The following NR6A1 variants were observed in gnomAD, a reference collection of about 807,000 sequenced individuals.
The protein encoded by NR6A1 is nuclear receptor subfamily 6 group A member 1.
NR6A1 carries 7 observed loss-of-function variants against 59.1 expected under a neutral mutation model. The ratio of observed to expected loss-of-function variants is 0.12; its 90% CI spans 0.07 to 0.22. The LOEUF is 0.22. Among genes scored for constraint, NR6A1 ranks in the 10% least tolerant of loss-of-function variants. The probability of loss-of-function intolerance (pLI) is 1.00; values close to 1 mark genes in which losing one functional copy is unlikely to be tolerated. For missense variants in NR6A1, 468 were observed against 611.6 expected, an observed-to-expected ratio of 0.77 and a Z score of 2.48; for synonymous variants, 243 against 236.1, an observed-to-expected ratio of 1.03 and a Z score of -0.27.
chr9:124,550,168 T>C (rs151015412), intron 3 of NR6A1, among the ~76,000 whole-genome samples: 1 of 152,272 alleles, frequency 6.6e-6, no homozygotes, highest in African/African-American at 2.4e-5. Flanking sequence ...TGTTGGTGTG[T>C]TTTATTGGTA....
At chr9:124,568,205 G>A (rs1372455830) in intron 2 of NR6A1, among the ~76,000 whole-genome samples, 1 of 144,832 alleles carries the variant, frequency 6.9e-6, no homozygotes. Context: ...AGAAACAGAG[G>A]CTGGGCGTGG....
intron 2 of NR6A1, among the ~76,000 whole-genome samples, chr9:124,651,334 C>G (rs1837098348): frequency 6.6e-6 from 1 of 152,210 alleles, no homozygotes; most frequent in African/African-American, 2.4e-5. Flanking sequence ...GCTGGAATTA[C>G]AGGCATGAGC....
At chr9:124,529,005 C>G (rs1217699721) in intron 7 of NR6A1, among the ~76,000 whole-genome samples, 1 of 152,190 alleles carries the variant, frequency 6.6e-6, no homozygotes, top group African/African-American at 2.4e-5. Flanking sequence ...CTGGAGATGA[C>G]TGCACATGCA....
Position 124,701,593 on chromosome 9 carries a change from A to G in NR6A1, c.142+31715T>C, listed in dbSNP as rs572259737. ...AGCAACTTGTTTACTTTTTGCCTCA[A>G]TGAATTTTGCCTATTCTAGGAATCT... is the stretch of plus-strand genomic sequence containing the variant. On this transcript the variant is annotated intron_variant, in intron 2 of 9. Transcript: ENST00000487099. Among the ~76,000 whole-genome samples the G allele has an allele frequency of 3.9e-5, 6 of 152,304 alleles. No individual in the cohort carries two copies. The East Asian group carries it at 1.2e-3, about 29-fold the overall frequency.
intron 1 of NR6A1, among the ~76,000 whole-genome samples, chr9:124,769,964 C>T: frequency 6.6e-6 from 1 of 152,240 alleles, no homozygotes; most frequent in East Asian, 1.9e-4. Context: ...CAAACAGATA[C>T]AAATAAAACA....
chr9:124,744,381 T>C (rs1840263425), intron 1 of NR6A1, among the ~76,000 whole-genome samples: 1 of 152,222 alleles, frequency 6.6e-6, no homozygotes, highest in Non-Finnish European at 1.5e-5. Flanking sequence ...TTACATGAAT[T>C]CTTACTGAAA....
chr9:124,735,949 G>C (rs1840009340), intron 1 of NR6A1, among the ~76,000 whole-genome samples: 1 of 152,238 alleles, frequency 6.6e-6, no homozygotes, highest in South Asian at 2.1e-4. Flanking sequence ...TTGGAGGTTA[G>C]GATTTCAATA....
chr9:124,639,041 C>T (rs1182395617), intron 2 of NR6A1, among the ~76,000 whole-genome samples: 1 of 152,166 alleles, frequency 6.6e-6, no homozygotes. Context: ...ATAGTTAACA[C>T]AATTGAGCAC....
At chr9:124,762,722 G>T (rs2131199602) in intron 1 of NR6A1, among the ~76,000 whole-genome samples, 1 of 152,284 alleles carries the variant, frequency 6.6e-6, no homozygotes, top group South Asian at 2.1e-4. Context: ...GTAGGATCCT[G>T]TAATATCACA....
intron 2 of NR6A1, among the ~76,000 whole-genome samples, chr9:124,619,994 G>C (rs1468258555): frequency 6.6e-6 from 1 of 152,188 alleles, no homozygotes; most frequent in Non-Finnish European, 1.5e-5. Context: ...TTGGGAGGCA[G>C]AGGTTGCAGT....
chr9:124,539,168 G>A (rs1480421334), intron 5 of NR6A1, among the ~76,000 whole-genome samples: 1 of 152,032 alleles, frequency 6.6e-6, no homozygotes, highest in Non-Finnish European at 1.5e-5. Context: ...ACCTCCCAAA[G>A]TGCTGGGAAT....
chr9:124,686,183 A>G (rs2131006774), intron 2 of NR6A1, among the ~76,000 whole-genome samples: 1 of 152,336 alleles, frequency 6.6e-6, no homozygotes, highest in East Asian at 1.9e-4. Flanking sequence ...AAATTACTAT[A>G]AGACTAAAAT....
At chr9:124,699,290 A>G (rs2131042603) in intron 2 of NR6A1, among the ~76,000 whole-genome samples, 1 of 152,326 alleles carries the variant, frequency 6.6e-6, no homozygotes, top group African/African-American at 2.4e-5. Context: ...ATATGTGTGC[A>G]AGATGTCTGG....
At chr9:124,618,121 C>CT (rs1835953438) in intron 2 of NR6A1, among the ~76,000 whole-genome samples, 1 of 152,134 alleles carries the variant, frequency 6.6e-6, no homozygotes, top group Non-Finnish European at 1.5e-5. Flanking sequence ...TTCTCATTCC[C>CT]TTTACTTGGC....
chr9:124,713,374 T>C (rs1392420466), intron 2 of NR6A1, among the ~76,000 whole-genome samples: 2 of 151,102 alleles, frequency 1.3e-5, no homozygotes, highest in African/African-American at 4.9e-5. Flanking sequence ...ACAAAAAGCA[T>C]AGGCAACAAA....
chr9:124,756,835 C>A (rs555756524), intron 1 of NR6A1, among the ~76,000 whole-genome samples: 47 of 152,210 alleles, frequency 3.1e-4, no homozygotes, highest in Non-Finnish European at 5.9e-4. Flanking sequence ...TTTTTAGAGG[C>A]AACCAGAGAA....
chr9:124,678,976 G>T (rs1838042469), intron 2 of NR6A1, among the ~76,000 whole-genome samples: 1 of 152,086 alleles, frequency 6.6e-6, no homozygotes, highest in Non-Finnish European at 1.5e-5. Flanking sequence ...AGCTACTCAG[G>T]AGGCTGAGGT....
chr9:124,658,932 G>C (rs1334524115), intron 2 of NR6A1, among the ~76,000 whole-genome samples: 2 of 152,044 alleles, frequency 1.3e-5, no homozygotes, highest in African/African-American at 4.8e-5. Context: ...AACGCAGCTG[G>C]AGAGAGTTAT....
intron 2 of NR6A1, among the ~76,000 whole-genome samples, chr9:124,630,265 G>A (rs1010877112): frequency 3.5e-5 from 5 of 144,112 alleles, no homozygotes; most frequent in Non-Finnish European, 6.0e-5. Flanking sequence ...GCCCAGGCTG[G>A]AGTGCAATGG....
Sources: gnomAD v4.1 joint callset for allele counts (sites outside exome capture counted in the v4.1 genomes callset) on GRCh38, gnomAD v4.1.1 for gene constraint, MANE v1.5 for transcripts, NCBI Gene and HGNC (gene_info 2026-07-23, HGNC 2026-07-21) for gene names.